The following HSPG2 variants were observed in gnomAD, a reference collection of about 807,000 sequenced individuals.
HSPG2 encodes basement membrane-specific heparan sulfate proteoglycan core protein.
Under a neutral mutation model 526.6 loss-of-function variants are expected in HSPG2, and 278 were observed. That is an observed-to-expected ratio of 0.53 (90% CI 0.48 to 0.58). The LOEUF (loss-of-function observed/expected upper bound fraction) is 0.58, where lower values mean the gene tolerates loss of function less well. HSPG2 is among the 20% of genes least tolerant of loss of function. The probability of loss-of-function intolerance (pLI) is 0.00; values close to 1 mark genes in which losing one functional copy is unlikely to be tolerated. For missense variants in HSPG2, 5,354 were observed against 6,099.5 expected (o/e 0.88, Z 4.07); for synonymous variants, 2,465 against 2,555.4 (o/e 0.96, Z 1.07).
intron 1 of HSPG2, among the ~76,000 whole-genome samples, chr1:21,905,912 G>C (rs1643355346): frequency 6.6e-6 from 1 of 152,242 alleles, no homozygotes; most frequent in South Asian, 2.1e-4. Flanking sequence ...TTAGGAGGCT[G>C]AGGCAGGAGG....
chr1:21,884,445 G>C lies in HSPG2; in HGVS notation c.1654+83C>G, dbSNP rs1007695172. On this transcript the variant is annotated intron_variant, in intron 13 of 96. Coordinates refer to ENST00000374695, the MANE Select transcript of HSPG2 (RefSeq NM_005529.7). ...TCCTTCCCGAAACCTGGCCCCCTCT[G>C]TCCGCATCTATCCTCTGTGCCCCCT... 3.2e-6 allele frequency: 5 copies of C among 1,566,656 alleles called. No homozygotes were observed. In the African/African-American group the frequency reaches 5.4e-5, roughly 17 times the overall value.
rs372651906 is a variant in HSPG2, at chr1:21,890,606, C to G, written c.333G>C (p.Val111=). The G allele has an allele frequency of 6.2e-7, 1 of 1,613,556 alleles. No homozygotes were observed. The highest frequency in any genetic ancestry group is 8.5e-7 in the Non-Finnish European group (1 of 1,179,562). ...TCACCGTGTCTACCACAGCCTCGGA[C>G]ACCTCTCGGAACTCTCTGGAGCCTG... The part of the protein sequence containing the change: ...EDAGSREFRE[V]SEAVVDTLES... The change falls in exon 4 of 97, where the codon GTG becomes GTC. Residue 111 remains valine, a synonymous_variant. Coordinates refer to ENST00000374695, the MANE Select transcript of HSPG2 (RefSeq NM_005529.7). This position sits in a 1 kb window ranked among gnomAD's most constrained non-coding sequence, Gnocchi z 4.1.
chr1:21,915,062 T>C (rs1448059503), intron 1 of HSPG2, among the ~76,000 whole-genome samples: 1 of 31,092 alleles, frequency 3.2e-5, no homozygotes, highest in Non-Finnish European at 1.3e-4. Flanking sequence ...GGAGGGTCCA[T>C]GATTGGCCTT....
chr1:21,937,247 T>TCGCTCCGCGCCGCCCGCTCCGCGCCGCC lies in HSPG2; in HGVS notation c.-58_-31dup. ...CGGCCCGCGCCGCTCTCTCGCTCGC[T>TCGCTCCGCGCCGCCCGCTCCGCGCCGCC]CGCTCCGCGCCGCCCGCTCCGCGCC... is the stretch of plus-strand genomic sequence containing the variant. On this transcript the variant is annotated 5_prime_UTR_variant, in exon 1 of 97. Transcript: ENST00000374695. 2.4e-6 allele frequency: 2 copies of TCGCTCCGCGCCGCCCGCTCCGCGCCGCC among 850,634 alleles called. No homozygotes were observed. Among genetic ancestry groups the TCGCTCCGCGCCGCCCGCTCCGCGCCGCC allele is most frequent in the Non-Finnish European group, 2.8e-6 (2 of 722,776 alleles). 52.7% of individuals were successfully genotyped at this position (850,634 alleles called of 1,614,324 possible).
At position 21,876,284 on chromosome 1, in the gene HSPG2, C is replaced by T. The variant is rs762082509; in HGVS notation, c.2948G>A (p.Arg983Lys). 2.5e-6 allele frequency: 4 copies of T among 1,613,958 alleles called. No homozygotes were observed. The highest frequency in any genetic ancestry group is 3.4e-6 in the Non-Finnish European group (4 of 1,179,990). The change falls in exon 23 of 97, where the codon AGA becomes AAA. Residue 983 changes from arginine (R) to lysine (K), a missense_variant. Transcript: ENST00000374695. ...CCAGAAGTAGGGTCCAGATAAGAGT[C>T]TGTGGAAGGAGGAGAATCCCAGTTC... ...PGELGFSSFH[R>K]LLSGPYFWSL...
At chr1:21,870,353 A>G (rs1640550263) in intron 33 of HSPG2, 1 of 943,422 alleles carries the variant, frequency 1.1e-6, no homozygotes, top group Admixed American at 6.2e-5. Context: ...AAGACCTCCC[A>G]AAGTCCTGGA....
In HSPG2 at chr1:21,824,514, C is replaced by T. The variant is rs1263415721; in HGVS notation, c.12744+23G>A. ...CTTCCTGCCCCAGGAGCCCCAAGAGCCCAGCCGGATACCCACACTCACCAC... is the reference window on the plus strand; with the variant it reads ...CTTCCTGCCCCAGGAGCCCCAAGAGTCCAGCCGGATACCCACACTCACCAC... On this transcript the variant is annotated intron_variant, in intron 93 of 96. Transcript: ENST00000374695. The surrounding 1 kb of genome is among the most constrained non-coding windows in gnomAD (Gnocchi z 5.9). The T allele has an allele frequency of 6.2e-7, 1 of 1,612,110 alleles. No homozygotes were observed. Among genetic ancestry groups the T allele is most frequent in the Non-Finnish European group, 8.5e-7 (1 of 1,179,690 alleles).
At position 21,860,204 on chromosome 1, in the gene HSPG2, C is replaced by T; in HGVS notation, c.4987G>A (p.Val1663Met). The change falls in exon 40 of 97, where the codon GTG becomes ATG. Residue 1663 changes from valine (V) to methionine (M), a missense_variant. Physicochemically the swap from Val to Met is conservative, Grantham distance 21. Transcript: ENST00000374695. ...TCTGGCAGGCACTGGCCCCCTTGCA[C>T]ACTGGGGTTACCCACGTAACCTGGG... ...CGPGYVGNPS[V>M]QGGQCLPETN... is the part of the protein sequence containing the mutation. 3.1e-6 allele frequency: 5 copies of T among 1,613,812 alleles called. No individual in the cohort carries two copies. Among genetic ancestry groups the T allele is most frequent in the Middle Eastern group, 1.6e-4 (1 of 6,062 alleles).
At position 21,876,397 on chromosome 1, in the gene HSPG2, C is replaced by T. The variant is rs1470830376; in HGVS notation, c.2835G>A (p.Gly945=). The T allele has an allele frequency of 3.1e-6, 5 of 1,610,322 alleles. No homozygotes were observed. The Admixed American group carries it at 8.4e-5, about 27-fold the overall frequency. Residue 945 remains glycine, a synonymous_variant, in exon 23 of 97, where the codon GGG becomes GGA. Coordinates refer to ENST00000374695, the MANE Select transcript of HSPG2 (RefSeq NM_005529.7). ...TGAAGTGACCAGGCTCCTCAGAGGC[C>T]CCATGCAACTGGGAGGAGGAGAAAG... ...SSSWSRAQLH[G]ASEEPGHFSL... is the part of the protein sequence containing the mutation.
In HSPG2 at chr1:21,852,231, G is replaced by T. The variant is rs780554105; in HGVS notation, c.6727C>A (p.Pro2243Thr). 9 of 1,614,058 alleles carry T rather than the reference G, an allele frequency of 5.6e-6. No individual in the cohort carries two copies. In the Admixed American group the frequency reaches 1.5e-4, roughly 27 times the overall value. ...GACTCGATCCTGACAGGTGGGATGG[G>T]TCCTGCAGCAGTGGGGATGGGAGTG... Reference protein sequence around the residue: ...VTIEASVIPGPIPPVRIESSS... With the variant: ...VTIEASVIPGTIPPVRIESSS... The change falls in exon 53 of 97, where the codon CCC becomes ACC. Residue 2243 changes from proline to threonine, a missense_variant and splice_region_variant. Transcript: ENST00000374695.
In HSPG2 at chr1:21,878,599, A is replaced by C; in HGVS notation, c.2536T>G (p.Tyr846Asp). The C allele has an allele frequency of 1.9e-6, 3 of 1,614,106 alleles. No homozygotes were observed. Among genetic ancestry groups the C allele is most frequent in the Non-Finnish European group, 2.5e-6 (3 of 1,180,016 alleles). ...CACCTCTCACAGCGGCGGCCAGTGT[A>C]GCCTGGGGCACAGGCGTCACATGTG... ...QATCDACAPG[Y>D]TGRRCESCAP... Residue 846 changes from tyrosine to aspartate, a missense_variant, in exon 19 of 97, where the codon TAC (tyrosine) becomes GAC (aspartate). Coordinates refer to ENST00000374695, the MANE Select transcript of HSPG2 (RefSeq NM_005529.7).
chr1:21,852,641 C>T, intron 52 of HSPG2, 59 bp downstream of exon 52: 1 of 1,609,740 alleles, frequency 6.2e-7, no homozygotes, highest in Non-Finnish European at 8.5e-7. Context: ...CCTTGGATCT[C>T]ACCACCCCGG....
At position 21,832,561 on chromosome 1, in the gene HSPG2, G is replaced by GTGGGGCTCCC; in HGVS notation, c.11131_11140dup (p.Thr3714ArgfsTer65). ...GTCGGGCTGCCGGTTGGCCAGGTTG[G>GTGGGGCTCCC]TGGGGCTCCCTGGGACTCGCTTCTG... On this transcript the variant is annotated frameshift_variant, in exon 81 of 97. Transcript: ENST00000374695. LOFTEE classifies it high-confidence loss of function. 1 of 1,614,192 alleles carries GTGGGGCTCCC rather than the reference G, an allele frequency of 6.2e-7. No homozygotes were observed. The highest frequency in any genetic ancestry group is 8.5e-7 in the Non-Finnish European group (1 of 1,180,022).
chr1:21,892,035 C>T (rs769584649), intron 3 of HSPG2, among the ~76,000 whole-genome samples: 7 of 152,218 alleles, frequency 4.6e-5, no homozygotes, highest in African/African-American at 9.7e-5. Flanking sequence ...ATCTGAAATC[C>T]GGTGTGTAGG....
chr1:21,868,758 C>G (rs1358751157), intron 33 of HSPG2: 1 of 166,270 alleles, frequency 6.0e-6, no homozygotes, highest in African/African-American at 2.4e-5. Flanking sequence ...AACATGAGAC[C>G]CCAGGCAAGT....
chr1:21,872,156 G>A lies in HSPG2; in HGVS notation c.4221+30C>T, dbSNP rs1194647227. 15 of 1,550,160 alleles carry A rather than the reference G, an allele frequency of 9.7e-6. No individual in the cohort carries two copies. The highest frequency in any genetic ancestry group is 7.3e-5 in the East Asian group (3 of 40,930). Reference sequence around the variant, plus strand: ...AGAGGTGAACTCATGTCTGAGTCACGGCTGACCCTGGTGCTTGGCTGGGGC... The same window carrying A: ...AGAGGTGAACTCATGTCTGAGTCACAGCTGACCCTGGTGCTTGGCTGGGGC... On this transcript the variant is annotated intron_variant, in intron 33 of 96. Coordinates refer to ENST00000374695, the MANE Select transcript of HSPG2 (RefSeq NM_005529.7). The surrounding 1 kb of genome is among the most constrained non-coding windows in gnomAD (Gnocchi z 5.5).
chr1:21,913,035 G>C (rs1316035437), intron 1 of HSPG2, among the ~76,000 whole-genome samples: 1 of 151,972 alleles, frequency 6.6e-6, no homozygotes, highest in Non-Finnish European at 1.5e-5. Flanking sequence ...GGTGCTTTTG[G>C]GCAGCCGTGA....
At position 21,893,569 on chromosome 1, in the gene HSPG2, C is replaced by T. The variant is rs868783817; in HGVS notation, c.244+2353G>A. 2.6e-5 allele frequency among the ~76,000 whole-genome samples: 4 copies of T among 151,880 alleles called. No individual in the cohort carries two copies. In the South Asian group the frequency reaches 8.3e-4, roughly 32 times the overall value. ...GAGGGAGAGCAGCGCTCCCACCTGGCCAGGGCCTGGGTCACTTACTGAGAG... is the reference window on the plus strand; with the variant it reads ...GAGGGAGAGCAGCGCTCCCACCTGGTCAGGGCCTGGGTCACTTACTGAGAG... On this transcript the variant is annotated intron_variant, in intron 3 of 96. Coordinates refer to ENST00000374695, the MANE Select transcript of HSPG2 (RefSeq NM_005529.7). The surrounding 1 kb of genome is among the most constrained non-coding windows in gnomAD (Gnocchi z 4.3).
chr1:21,906,754 T>C (rs1643403243), intron 1 of HSPG2, among the ~76,000 whole-genome samples: 1 of 151,780 alleles, frequency 6.6e-6, no homozygotes, highest in South Asian at 2.1e-4. Context: ...CGTGCAACTA[T>C]TTGGTGTTTC....
Sources: gnomAD v4.1 joint callset for allele counts (sites outside exome capture counted in the v4.1 genomes callset) on GRCh38, gnomAD v4.1.1 for gene constraint, Gnocchi (gnomAD v3.1) non-coding constraint, MANE v1.5 for transcripts, NCBI Gene and HGNC (gene_info 2026-07-23, HGNC 2026-07-21) for gene names.